The following TENM4 variants were observed in gnomAD, a reference collection of about 807,000 sequenced individuals.
The protein encoded by TENM4 is teneurin-4.
A neutral mutation model predicts 243.3 loss-of-function variants in TENM4; 82 were observed. The observed-to-expected ratio is 0.34, with a 90% CI of 0.28 to 0.40. The LOEUF is 0.40. Ranked by LOEUF, TENM4 falls within the 10% of genes least tolerant of loss-of-function variation. TENM4 has a pLI of 1.00. For synonymous variants in TENM4, 1,412 were observed against 1,456.3 expected, an observed-to-expected ratio of 0.97 and a Z score of 0.69; for missense variants, 3,138 against 3,673.3, an observed-to-expected ratio of 0.85 and a Z score of 3.77.
intron 2 of TENM4, among the ~76,000 whole-genome samples, chr11:79,295,323 A>C (rs1038830146): frequency 5.3e-5 from 8 of 152,208 alleles, no homozygotes; most frequent in South Asian, 4.2e-4. Flanking sequence ...CCAGAGCAAA[A>C]CCTGCCTTTC....
At chr11:79,372,411 T>C (rs979457890) in intron 1 of TENM4, among the ~76,000 whole-genome samples, 2 of 152,224 alleles carry the variant, frequency 1.3e-5, no homozygotes, top group Admixed American at 6.5e-5. Flanking sequence ...CAAGCCCCTG[T>C]TCCTTTAGAA....
chr11:79,156,007 T>G (rs184426324), intron 3 of TENM4, among the ~76,000 whole-genome samples: 362 of 152,236 alleles, frequency 2.4e-3, no homozygotes, highest in Middle Eastern at 6.8e-3. Flanking sequence ...ATATTTAAAC[T>G]TTAAATAAAG....
intron 2 of TENM4, among the ~76,000 whole-genome samples, chr11:79,291,979 G>A (rs1257058660): frequency 1.3e-5 from 2 of 152,086 alleles, no homozygotes; most frequent in Admixed American, 1.3e-4. Flanking sequence ...CAGAATCCTA[G>A]TCCTGCCCAG....
At chr11:78,973,309 C>G (rs772488376) in intron 6 of TENM4, among the ~76,000 whole-genome samples, 1 of 152,202 alleles carries the variant, frequency 6.6e-6, no homozygotes, top group Non-Finnish European at 1.5e-5. Flanking sequence ...TATGAGGGTG[C>G]CAATTTCTCC....
chr11:79,172,731 C>T (rs2508318), intron 3 of TENM4, among the ~76,000 whole-genome samples: 45,863 of 147,026 alleles, frequency 0.31, 7,257 homozygotes, highest in East Asian at 0.44. Flanking sequence ...GTGGTGTGAT[C>T]TTGGCTCACT....
intron 16 of TENM4, among the ~76,000 whole-genome samples, chr11:78,780,198 C>T (rs1268445184): frequency 1.3e-5 from 2 of 152,098 alleles, no homozygotes; most frequent in African/African-American, 4.8e-5. Flanking sequence ...TGGGGACAGC[C>T]CACACGAAAA....
At chr11:78,732,732 C>G (rs183031553) in intron 20 of TENM4, among the ~76,000 whole-genome samples, 155 bp from the exon 21 acceptor site, 2 of 152,268 alleles carry the variant, frequency 1.3e-5, no homozygotes, top group Admixed American at 1.3e-4. Context: ...GACTGCAGCT[C>G]CAAACAATGG....
chr11:78,660,277 TC>T (rs950057515), intron 33 of TENM4, among the ~76,000 whole-genome samples: 1 of 152,146 alleles, frequency 6.6e-6, no homozygotes, highest in African/African-American at 2.4e-5. Context: ...CAAACCCTGG[TC>T]CCCTCACCTG....
chr11:79,351,194 T>C (rs1014587693), intron 1 of TENM4, among the ~76,000 whole-genome samples: 1 of 152,200 alleles, frequency 6.6e-6, no homozygotes, highest in Non-Finnish European at 1.5e-5. Flanking sequence ...TAATTTGCAA[T>C]AGACATGCCT....
chr11:79,263,402 G>A (rs915771700), intron 2 of TENM4, among the ~76,000 whole-genome samples: 3 of 152,200 alleles, frequency 2.0e-5, no homozygotes, highest in African/African-American at 4.8e-5. Flanking sequence ...GTGAAGTAAC[G>A]AGGTCATTAT....
intron 6 of TENM4, among the ~76,000 whole-genome samples, chr11:79,020,997 G>T (rs1016840286): frequency 1.3e-5 from 2 of 152,190 alleles, no homozygotes; most frequent in African/African-American, 2.4e-5. Context: ...TTTCCTGAGT[G>T]CTTCAGGGAT....
At chr11:78,899,126 T>C (rs946245393) in intron 7 of TENM4, among the ~76,000 whole-genome samples, 14 of 152,078 alleles carry the variant, frequency 9.2e-5, no homozygotes, top group African/African-American at 3.1e-4. Context: ...AATGACACTA[T>C]AGCATTTTCA....
At chr11:78,891,569 CA>C (rs1855666570) in intron 7 of TENM4, among the ~76,000 whole-genome samples, 1 of 152,186 alleles carries the variant, frequency 6.6e-6, no homozygotes, top group East Asian at 1.9e-4. Context: ...TTGTGTGCAT[CA>C]AATCACAGTT....
At chr11:78,958,277 T>C (rs1230274036) in intron 6 of TENM4, among the ~76,000 whole-genome samples, 1 of 152,206 alleles carries the variant, frequency 6.6e-6, no homozygotes, top group Non-Finnish European at 1.5e-5. Flanking sequence ...CTCTTAAATA[T>C]TAACCACCAA....
At chr11:79,203,657 A>G (rs1284910011) in intron 3 of TENM4, among the ~76,000 whole-genome samples, 1 of 152,246 alleles carries the variant, frequency 6.6e-6, no homozygotes, top group Non-Finnish European at 1.5e-5. Flanking sequence ...GACCCCCTGC[A>G]GGTATCCAAA....
In TENM4 at chr11:78,740,461, A is replaced by G. The variant is rs547059842; in HGVS notation, c.2757-1891T>C. ...TGGTCTAAATGCAATTACACGGCAAACAAGTTAAGCGGGTGAGGCTCAGCA... is the reference window on the plus strand; with the variant it reads ...TGGTCTAAATGCAATTACACGGCAAGCAAGTTAAGCGGGTGAGGCTCAGCA... On this transcript the variant is annotated intron_variant, in intron 19 of 33. Coordinates refer to ENST00000278550, the MANE Select transcript of TENM4 (RefSeq NM_001098816.3). 7.9e-5 allele frequency among the ~76,000 whole-genome samples: 12 copies of G among 152,252 alleles called. No homozygotes were observed. In the East Asian group the frequency reaches 2.1e-3, roughly 27 times the overall value.
At chr11:78,798,412 A>G (rs1294176724) in intron 15 of TENM4, among the ~76,000 whole-genome samples, 1 of 152,178 alleles carries the variant, frequency 6.6e-6, no homozygotes, top group Non-Finnish European at 1.5e-5. Flanking sequence ...ATTAATAGAG[A>G]ATAAACTGAA....
At chr11:78,762,887 A>G (rs1052085489) in intron 18 of TENM4, among the ~76,000 whole-genome samples, 1 of 152,216 alleles carries the variant, frequency 6.6e-6, no homozygotes, top group African/African-American at 2.4e-5. Context: ...TTAAAAGGAA[A>G]AAAAAGCGTG....
chr11:79,435,900 A>C (rs1859262528), intron 1 of TENM4, among the ~76,000 whole-genome samples: 1 of 152,228 alleles, frequency 6.6e-6, no homozygotes, highest in Admixed American at 6.5e-5. Context: ...ATGAGGATGC[A>C]ACTCTGTCAG....
Sources: gnomAD v4.1 joint callset for allele counts (sites outside exome capture counted in the v4.1 genomes callset) on GRCh38, gnomAD v4.1.1 for gene constraint, MANE v1.5 for transcripts, NCBI Gene and HGNC (gene_info 2026-07-23, HGNC 2026-07-21) for gene names.